Variants in RAPGEF5 observed in about 807,000 individuals in gnomAD.
RAPGEF5 encodes the protein Rap guanine nucleotide exchange factor 5, also known as M-Ras-regulated GEF.
A neutral mutation model predicts 125.2 loss-of-function variants in RAPGEF5; 65 were observed. The ratio of observed to expected loss-of-function variants is 0.52; its 90% CI spans 0.43 to 0.64. The LOEUF is 0.64. RAPGEF5 is among the 30% of genes least tolerant of loss of function. RAPGEF5 has a pLI of 0.00. For synonymous variants in RAPGEF5, 391 were observed against 385.9 expected, an observed-to-expected ratio of 1.01 and a Z score of -0.16; for missense variants, 958 against 1,048.1, an observed-to-expected ratio of 0.91 and a Z score of 1.19.
chr7:22,343,359 G>C (rs1363620780), intron 1 of RAPGEF5, among the ~76,000 whole-genome samples: 1 of 151,916 alleles, frequency 6.6e-6, no homozygotes, highest in Non-Finnish European at 1.5e-5. Context: ...CAGAAAGAGA[G>C]GGAAAAAAAT....
At chr7:22,320,342 A>T (rs550598064) in intron 1 of RAPGEF5, among the ~76,000 whole-genome samples, 34 of 152,158 alleles carry the variant, frequency 2.2e-4, no homozygotes, top group Non-Finnish European at 4.0e-4. Context: ...AGACCACTTT[A>T]TGTTAGTTTT....
chr7:22,230,764 T>C (rs1673464534), intron 8 of RAPGEF5, 82 bp downstream of exon 8: 2 of 1,262,132 alleles, frequency 1.6e-6, no homozygotes, highest in East Asian at 5.1e-5. Flanking sequence ...GTAAAACCTA[T>C]ATCATTTTTT....
At chr7:22,340,793 G>A (rs915568825) in intron 1 of RAPGEF5, among the ~76,000 whole-genome samples, 1 of 152,228 alleles carries the variant, frequency 6.6e-6, no homozygotes, top group Non-Finnish European at 1.5e-5. Flanking sequence ...GCCTTCAACT[G>A]GGAATGCTCT....
chr7:22,209,349 A>G (rs930540198), intron 9 of RAPGEF5, among the ~76,000 whole-genome samples: 2 of 152,154 alleles, frequency 1.3e-5, no homozygotes, highest in African/African-American at 4.8e-5. Flanking sequence ...TTCTTGGCTC[A>G]TCCTTTAATC....
At chr7:22,193,170 G>A (rs187140422) in intron 11 of RAPGEF5, 197 bp downstream of exon 11, 8 of 615,768 alleles carry the variant, frequency 1.3e-5, no homozygotes, top group South Asian at 2.3e-5. Context: ...CTACTTCCCA[G>A]GGAGCTGCTT....
chr7:22,263,759 A>G (rs1165081025), intron 7 of RAPGEF5, among the ~76,000 whole-genome samples: 2 of 151,816 alleles, frequency 1.3e-5, no homozygotes, highest in Admixed American at 1.3e-4. Flanking sequence ...AAAAAGAAAA[A>G]GAAAAAAGAA....
At chr7:22,140,232 C>T in intron 20 of RAPGEF5, 117 bp from the exon 21 acceptor site, 1 of 872,904 alleles carries the variant, frequency 1.1e-6, no homozygotes, top group Non-Finnish European at 1.8e-6. Context: ...TTCTGCTCTA[C>T]AGCCTACGTA....
chr7:22,260,798 C>T (rs1782137319), intron 7 of RAPGEF5, among the ~76,000 whole-genome samples: 1 of 152,030 alleles, frequency 6.6e-6, no homozygotes, highest in African/African-American at 2.4e-5. Context: ...TAAGAAGAGA[C>T]TTGCCTTACC....
intron 18 of RAPGEF5, among the ~76,000 whole-genome samples, chr7:22,147,249 C>T (rs1024179783): frequency 6.6e-6 from 1 of 152,146 alleles, no homozygotes; most frequent in Non-Finnish European, 1.5e-5. Flanking sequence ...CCCGCTCCTC[C>T]CCCATCTCTC....
intron 9 of RAPGEF5, among the ~76,000 whole-genome samples, chr7:22,213,524 C>T (rs192836841): frequency 6.6e-6 from 1 of 152,198 alleles, no homozygotes; most frequent in African/African-American, 2.4e-5. Context: ...GAACTAGCTA[C>T]TTCTACTTTT....
rs548134071 is a variant in RAPGEF5 at position 22,352,525 on chromosome 7, A to C, written c.231+4305T>G. Reference sequence around the variant, plus strand: ...TTAGAATATCTTGCGTCAGAAAAGTAAGAAAGGTATTTGAGTTTACTGGCC... The same window carrying C: ...TTAGAATATCTTGCGTCAGAAAAGTCAGAAAGGTATTTGAGTTTACTGGCC... On this transcript the variant is annotated intron_variant, in intron 1 of 25. Coordinates refer to ENST00000665637, the MANE Select transcript of RAPGEF5 (RefSeq NM_012294.5). Among the ~76,000 whole-genome samples, 12 of 152,310 alleles carry C rather than the reference A, an allele frequency of 7.9e-5. No individual in the cohort carries two copies. The South Asian group carries it at 2.1e-3, about 26-fold the overall frequency.
chr7:22,349,355 T>G (rs1046784683), intron 1 of RAPGEF5, among the ~76,000 whole-genome samples: 1 of 139,800 alleles, frequency 7.2e-6, no homozygotes. Context: ...ACCCAAGAGG[T>G]AGAGGTTGCA....
intron 14 of RAPGEF5, among the ~76,000 whole-genome samples, chr7:22,158,577 A>G (rs1273500735): frequency 3.9e-5 from 6 of 152,210 alleles, no homozygotes; most frequent in Non-Finnish European, 7.4e-5. Flanking sequence ...TAGGGCTTGA[A>G]TCTTACTCTA....
intron 9 of RAPGEF5, among the ~76,000 whole-genome samples, chr7:22,195,305 T>C (rs1282121079): frequency 6.6e-6 from 1 of 152,220 alleles, no homozygotes; most frequent in Non-Finnish European, 1.5e-5. Context: ...CTTGCCCTAA[T>C]TGCCAGCCAA....
intron 8 of RAPGEF5, among the ~76,000 whole-genome samples, chr7:22,221,238 G>A (rs1371831143): frequency 6.6e-6 from 1 of 152,138 alleles, no homozygotes; most frequent in African/African-American, 2.4e-5. Context: ...CTTGGACAGG[G>A]ACCTAAGTTT....
At chr7:22,183,744 G>A (rs1281139913) in intron 11 of RAPGEF5, among the ~76,000 whole-genome samples, 2 of 152,134 alleles carry the variant, frequency 1.3e-5, no homozygotes, top group Admixed American at 6.6e-5. Flanking sequence ...ATAGAACACC[G>A]TGTGCAGGAA....
intron 11 of RAPGEF5, among the ~76,000 whole-genome samples, chr7:22,174,930 A>G (rs1784459124): frequency 6.6e-6 from 1 of 152,202 alleles, no homozygotes; most frequent in Non-Finnish European, 1.5e-5. Flanking sequence ...GGTTACAGTT[A>G]TGATTGTGGG....
chr7:22,173,330 G>A (rs751610703), intron 11 of RAPGEF5, among the ~76,000 whole-genome samples: 4 of 152,074 alleles, frequency 2.6e-5, no homozygotes, highest in Non-Finnish European at 4.4e-5. Context: ...TGATATTAAC[G>A]ACCTCGAACG....
chr7:22,290,618 G>A (rs941412538), intron 6 of RAPGEF5, among the ~76,000 whole-genome samples: 1 of 150,978 alleles, frequency 6.6e-6, no homozygotes, highest in African/African-American at 2.4e-5. Context: ...AGTGGCGGGC[G>A]CCTGTAGTCC....
Sources: allele counts gnomAD v4.1 joint callset (sites outside exome capture counted in the v4.1 genomes callset), GRCh38; gene constraint gnomAD v4.1.1; transcripts MANE v1.5; gene names NCBI Gene and HGNC (gene_info 2026-07-23, HGNC 2026-07-21).